The following DNAJC2 variants were observed in gnomAD, a reference collection of about 807,000 sequenced individuals.
DNAJC2 encodes the protein dnaJ homolog subfamily C member 2.
A neutral mutation model predicts 94.0 loss-of-function variants in DNAJC2; 32 were observed. The observed-to-expected ratio is 0.34, with a 90% CI of 0.26 to 0.46. The LOEUF (loss-of-function observed/expected upper bound fraction) is 0.46. Among genes scored for constraint, DNAJC2 ranks in the 20% least tolerant of loss-of-function variants. The pLI, the probability that DNAJC2 is intolerant of heterozygous loss-of-function variation, is 1.00. For synonymous variants in DNAJC2, 210 were observed against 229.7 expected, an observed-to-expected ratio of 0.91 and a Z score of 0.77; for missense variants, 550 against 719.5, an observed-to-expected ratio of 0.76 and a Z score of 2.69.
intron 13 of DNAJC2, 150 bp from the exon 14 acceptor site, chr7:103,316,238 C>T: frequency 2.1e-6 from 1 of 466,958 alleles, no homozygotes; most frequent in Non-Finnish European, 3.7e-6. Flanking sequence ...ACTATAAATT[C>T]CTGTTGCCTG....
chr7:103,326,168 G>C (rs1818695106), intron 5 of DNAJC2, among the ~76,000 whole-genome samples: 1 of 151,948 alleles, frequency 6.6e-6, no homozygotes, highest in South Asian at 2.1e-4. Context: ...AGTAGAGACA[G>C]GGTTTCACCA....
chr7:103,332,770 C>T (rs748336317), intron 3 of DNAJC2, among the ~76,000 whole-genome samples: 10 of 152,106 alleles, frequency 6.6e-5, no homozygotes, highest in African/African-American at 2.2e-4. Context: ...ACCACAGGCA[C>T]GCACCACTAT....
At chr7:103,338,848 T>G (rs1391963175) in intron 2 of DNAJC2, among the ~76,000 whole-genome samples, 1 of 152,012 alleles carries the variant, frequency 6.6e-6, no homozygotes, top group African/African-American at 2.4e-5. Context: ...AGGCGGAGGT[T>G]GCAGTGGGCC....
rs1233952192 is a variant in DNAJC2 at position 103,318,231 on chromosome 7, T to C, written c.1243-1217A>G. On this transcript the variant is annotated intron_variant, in intron 12 of 16. Transcript: ENST00000379263. ...CCCAGGTTGGAGTGCACCGACATGA[T>C]CATAGCTCACTGCAGCTGTGACCTC... Among the ~76,000 whole-genome samples, 4 of 152,210 alleles carry C rather than the reference T, an allele frequency of 2.6e-5. No individual in the cohort carries two copies. In the East Asian group the frequency reaches 5.8e-4, roughly 22 times the overall value.
rs1433703274 is a variant in DNAJC2 at position 103,322,027 on chromosome 7, C to T, written c.988G>A (p.Glu330Lys). Residue 330 changes from glutamate (E) to lysine (K), a missense_variant, in exon 10 of 17, where the codon GAA becomes AAA. Transcript: ENST00000379263. ...ARLAKEKEEE[E>K]VRQQALLAKK... is the part of the protein sequence containing the mutation. ...GCCAGCAATGCTTGCTGTCTGACTT[C>T]CTCCTCTTCTTTCTCCTTAGCTAAC... 1 of 1,613,800 alleles carries T rather than the reference C, an allele frequency of 6.2e-7. No homozygotes were observed. The highest frequency in any genetic ancestry group is 1.7e-5 in the Admixed American group (1 of 60,016).
At position 103,312,584 on chromosome 7, in the gene DNAJC2, A is replaced by C. The variant is rs911527719; in HGVS notation, c.1851T>G (p.Ser617Arg). The change falls in exon 17 of 17, where the codon AGT becomes AGG. Residue 617 changes from serine to arginine, a missense_variant. Around this residue, in one of 2 missense-constraint regions of DNAJC2, gnomAD observed 271 missense variants for 302.6 expected, o/e 0.90. Transcript: ENST00000379263. The stretch of plus-strand genomic sequence containing the variant: ...ACAAAGATTGTCATTTCTTGGCTCT[A>C]CTTGCATTCAGCACTTGTTCTTGAG... ...KAAQEQVLNASRAKK is the reference protein window; with the variant it reads ...KAAQEQVLNARRAKK 2.5e-6 allele frequency: 4 copies of C among 1,612,980 alleles called. No homozygotes were observed. Among genetic ancestry groups the C allele is most frequent in the African/African-American group, 1.3e-5 (1 of 75,020 alleles).
At chr7:103,317,037 G>T in intron 12 of DNAJC2, 23 bp from the exon 13 acceptor site, 1 of 1,592,556 alleles carries the variant, frequency 6.3e-7, no homozygotes. Context: ...CATAAGTCAG[G>T]GACTTAGAAG....
chr7:103,314,405 G>A, intron 15 of DNAJC2: 1 of 985,386 alleles, frequency 1.0e-6, no homozygotes, highest in Non-Finnish European at 1.2e-6. Flanking sequence ...AGAGGCAAAG[G>A]AGTCATACCC....
intron 3 of DNAJC2, among the ~76,000 whole-genome samples, chr7:103,327,978 TGG>T (rs1818795732): frequency 6.6e-6 from 1 of 152,180 alleles, no homozygotes; most frequent in South Asian, 2.1e-4. Flanking sequence ...TGGAGTGTAA[TGG>T]CACGATCTCG....
intron 15 of DNAJC2, among the ~76,000 whole-genome samples, chr7:103,315,169 ATTTTTT>A (rs35425130): frequency 0.011 from 1,608 of 146,858 alleles, 18 homozygotes; most frequent in Non-Finnish European, 0.018. Context: ...AAACCCTAAC[ATTTTTT>A]TTTTTTTTGA....
chr7:103,313,781 A>T, intron 15 of DNAJC2: 1 of 984,670 alleles, frequency 1.0e-6, no homozygotes, highest in Non-Finnish European at 1.2e-6. Flanking sequence ...GTCAGAAACA[A>T]ATATGTTTCT....
chr7:103,316,458 T>C (rs1431070922), intron 13 of DNAJC2: 5 of 220,494 alleles, frequency 2.3e-5, no homozygotes, highest in African/African-American at 1.1e-4. Flanking sequence ...CTCTAGGGCT[T>C]TCTTGCAGTT....
intron 4 of DNAJC2, 137 bp downstream of exon 4, chr7:103,327,517 AAG>A (rs1190078274): frequency 3.2e-5 from 23 of 713,142 alleles, no homozygotes; most frequent in Non-Finnish European, 5.0e-5. Context: ...GATGATTAGA[AAG>A]AACTTGATAT....
chr7:103,332,241 A>G (rs532434793), intron 3 of DNAJC2, among the ~76,000 whole-genome samples: 38 of 152,230 alleles, frequency 2.5e-4, no homozygotes, highest in East Asian at 9.7e-4. Flanking sequence ...TCCTGACCTC[A>G]TGATCCGCCC....
intron 5 of DNAJC2, among the ~76,000 whole-genome samples, chr7:103,325,536 G>C (rs1021902520): frequency 2.6e-5 from 4 of 151,832 alleles, no homozygotes; most frequent in African/African-American, 9.7e-5. Flanking sequence ...AATCAAAGTG[G>C]TTCTCAAATT....
At chr7:103,332,585 T>G (rs2115996222) in intron 3 of DNAJC2, among the ~76,000 whole-genome samples, 1 of 152,322 alleles carries the variant, frequency 6.6e-6, no homozygotes, top group African/African-American at 2.4e-5. Flanking sequence ...AAAATTGTTT[T>G]TAGGAGTAAA....
At chr7:103,333,030 T>G (rs1819036369) in intron 3 of DNAJC2, among the ~76,000 whole-genome samples, 1 of 152,236 alleles carries the variant, frequency 6.6e-6, no homozygotes, top group Admixed American at 6.5e-5. Flanking sequence ...TGCATTATAC[T>G]TACTGGGTGA....
At chr7:103,337,839 A>G (rs1419907347) in intron 2 of DNAJC2, 28 bp from the exon 3 acceptor site, 2 of 1,564,948 alleles carry the variant, frequency 1.3e-6, no homozygotes, top group South Asian at 2.2e-5. Flanking sequence ...AAGGGAGTCA[A>G]ATTTGAAATG....
chr7:103,327,188 CT>C, intron 4 of DNAJC2: 1 of 350,902 alleles, frequency 2.8e-6, no homozygotes, highest in Middle Eastern at 4.6e-4. Flanking sequence ...CAATAAGTAA[CT>C]GTAGGGTCTG....
Sources: gnomAD v4.1 joint callset for allele counts (sites outside exome capture counted in the v4.1 genomes callset) on GRCh38, gnomAD v4.1.1 for gene constraint, gnomAD v4.1.1 regional missense constraint, MANE v1.5 for transcripts, NCBI Gene and HGNC (gene_info 2026-07-23, HGNC 2026-07-21) for gene names.